The following ADAMTS17 variants were observed in gnomAD, a reference collection of about 807,000 sequenced individuals.
ADAMTS17 encodes the protein ADAM metallopeptidase with thrombospondin type 1 motif 17.
In ADAMTS17, 113 loss-of-function variants were observed where a neutral mutation model predicts 141.5. The observed-to-expected ratio is 0.80, with a 90% CI of 0.69 to 0.93. ADAMTS17 has a LOEUF of 0.93. Among genes scored for constraint, ADAMTS17 ranks in the 40% least tolerant of loss-of-function variants. The probability of loss-of-function intolerance (pLI) is 0.00; values close to 1 mark genes in which losing one functional copy is unlikely to be tolerated. For synonymous variants in ADAMTS17, 768 were observed against 630.6 expected, an observed-to-expected ratio of 1.22 and a Z score of -3.27; for missense variants, 1,659 against 1,517.9, an observed-to-expected ratio of 1.09 and a Z score of -1.54.
At chr15:100,016,854 G>A (rs1429575835) in intron 18 of ADAMTS17, among the ~76,000 whole-genome samples, 1 of 152,230 alleles carries the variant, frequency 6.6e-6, no homozygotes, top group African/African-American at 2.4e-5. Flanking sequence ...CCTGCCAGGA[G>A]GTGATGCTTT....
At chr15:100,292,145 C>G (rs558037449) in intron 3 of ADAMTS17, among the ~76,000 whole-genome samples, 2 of 148,346 alleles carry the variant, frequency 1.3e-5, no homozygotes, top group African/African-American at 2.5e-5. Flanking sequence ...TGGGGAGTCA[C>G]GAGACACGCT....
intron 20 of ADAMTS17, among the ~76,000 whole-genome samples, chr15:99,989,391 C>T (rs1253449557): frequency 6.6e-6 from 1 of 152,240 alleles, no homozygotes; most frequent in East Asian, 1.9e-4. Flanking sequence ...GTACAGGCTG[C>T]ATTTAGGGCG....
rs538820264 is a variant in ADAMTS17, at chr15:100,155,437, G to A, written c.1182-117C>T. 20 of 1,415,086 alleles carry A rather than the reference G, an allele frequency of 1.4e-5. 1 individual carries two copies. The highest frequency in any genetic ancestry group is 1.4e-4 in the South Asian group (11 of 80,744). 87.7% of individuals were successfully genotyped at this position (1,415,086 alleles called of 1,614,324 possible). On this transcript the variant is annotated intron_variant, in intron 8 of 21. Transcript: ENST00000268070. ...TCTTAAAAACAAAAACGGACGTAAC[G>A]TGAAAGTGGTTCTCACACAGCAGAC... is the stretch of plus-strand genomic sequence containing the variant.
chr15:100,325,367 C>T (rs1225840605), intron 3 of ADAMTS17, among the ~76,000 whole-genome samples: 1 of 152,202 alleles, frequency 6.6e-6, no homozygotes, highest in Non-Finnish European at 1.5e-5. Flanking sequence ...AAATAAAGCA[C>T]AACAGTGGGC....
chr15:100,215,898 G>C (rs1209334501), intron 7 of ADAMTS17, among the ~76,000 whole-genome samples: 2 of 151,936 alleles, frequency 1.3e-5, no homozygotes, highest in Non-Finnish European at 2.9e-5. Context: ...ACTCTCCCCA[G>C]GAGAACCAAG....
chr15:100,322,610 C>A (rs371874707), intron 3 of ADAMTS17, among the ~76,000 whole-genome samples: 1 of 152,064 alleles, frequency 6.6e-6, no homozygotes, highest in African/African-American at 2.4e-5. Context: ...AGACCAAACC[C>A]GAAGATGACC....
At chr15:100,127,252 G>C (rs2037786940) in intron 12 of ADAMTS17, among the ~76,000 whole-genome samples, 1 of 152,202 alleles carries the variant, frequency 6.6e-6, no homozygotes, top group South Asian at 2.1e-4. Flanking sequence ...TAAGGATCTG[G>C]AGATGAGACC....
chr15:99,984,310 C>T (rs1433094110), intron 20 of ADAMTS17, among the ~76,000 whole-genome samples: 1 of 152,198 alleles, frequency 6.6e-6, no homozygotes, highest in East Asian at 1.9e-4. Context: ...GAGCTGTTCC[C>T]TGTGGGTAAC....
chr15:100,048,666 T>C (rs1373196823), intron 18 of ADAMTS17, among the ~76,000 whole-genome samples, 191 bp downstream of exon 18: 1 of 150,958 alleles, frequency 6.6e-6, no homozygotes, highest in Non-Finnish European at 1.5e-5. Context: ...CAGTGAAGGT[T>C]GTATTTCCAT....
intron 7 of ADAMTS17, among the ~76,000 whole-genome samples, chr15:100,246,838 G>T (rs887184794): frequency 6.6e-6 from 1 of 151,468 alleles, no homozygotes; most frequent in African/African-American, 2.4e-5. Flanking sequence ...TATATGTAAA[G>T]TATCTGTTCA....
At chr15:99,980,890 C>T (rs1468920578) in intron 20 of ADAMTS17, 2 of 152,214 alleles carry the variant, frequency 1.3e-5, no homozygotes, top group African/African-American at 2.4e-5. Flanking sequence ...GCTCTGGGGC[C>T]GAGGGGAAAA....
intron 8 of ADAMTS17, among the ~76,000 whole-genome samples, chr15:100,195,613 C>CAAAAAAAAAAAAAA (rs71287815): frequency 1.6e-5 from 1 of 63,642 alleles, no homozygotes; most frequent in African/African-American, 6.0e-5. Flanking sequence ...TGTTTGGTCT[C>CAAAAAAAAAAAAAA]AAAAAAAAAA....
rs546671936 is a variant in ADAMTS17 at position 100,023,466 on chromosome 15, A to G, written c.2591+25391T>C. Among the ~76,000 whole-genome samples, 190 of 152,060 alleles carry G rather than the reference A, an allele frequency of 1.2e-3. 1 individual carries two copies. Among genetic ancestry groups the G allele is most frequent in the Middle Eastern group, 3.4e-3 (1 of 294 alleles). On this transcript the variant is annotated intron_variant, in intron 18 of 21. Transcript: ENST00000268070. The stretch of plus-strand genomic sequence containing the variant: ...GGTGATCTGCCTGCCTCGGCCTCCC[A>G]AAGTGGTGGGATTACAGGGGTGAGC...
chr15:100,132,280 T>C (rs2038092892), intron 11 of ADAMTS17, 128 bp from the exon 12 acceptor site: 5 of 1,320,210 alleles, frequency 3.8e-6, no homozygotes, highest in Non-Finnish European at 5.1e-6. Flanking sequence ...ACAGTCTATT[T>C]CAGGGTTTGC....
chr15:100,118,924 C>T (rs1010604367), intron 12 of ADAMTS17, among the ~76,000 whole-genome samples: 3 of 152,028 alleles, frequency 2.0e-5, no homozygotes, highest in East Asian at 1.9e-4. Flanking sequence ...GAGTGCAACC[C>T]GATTTGGAAA....
intron 8 of ADAMTS17, among the ~76,000 whole-genome samples, chr15:100,197,555 A>C (rs1363449270): frequency 6.6e-6 from 1 of 152,202 alleles, no homozygotes; most frequent in East Asian, 1.9e-4. Flanking sequence ...CATTTAAAAA[A>C]CAGTTCTGTG....
At chr15:99,979,430 G>A (rs1008448733) in intron 20 of ADAMTS17, 1 of 151,972 alleles carries the variant, frequency 6.6e-6, no homozygotes, top group Non-Finnish European at 1.5e-5. Context: ...CTGGTAAGTA[G>A]TTGTACCCAG....
intron 15 of ADAMTS17, among the ~76,000 whole-genome samples, chr15:100,060,137 A>G (rs2033002418): frequency 6.6e-6 from 1 of 152,228 alleles, no homozygotes; most frequent in Admixed American, 6.5e-5. Context: ...TTATCTGTGA[A>G]TTCTGAAGCT....
chr15:99,991,736 G>A lies in ADAMTS17; in HGVS notation c.2949+1312C>T, dbSNP rs193117471. Among the ~76,000 whole-genome samples the A allele has an allele frequency of 5.3e-5, 8 of 152,182 alleles. No homozygotes were observed. In the South Asian group the frequency reaches 8.3e-4, roughly 16 times the overall value. On this transcript the variant is annotated intron_variant, in intron 20 of 21. Transcript: ENST00000268070. ...ACACATGCACACATACGTTTACTGC[G>A]GCACTGTTGACAATAGCAAAGACTT...
Sources: gnomAD v4.1 joint callset for allele counts (sites outside exome capture counted in the v4.1 genomes callset) on GRCh38, gnomAD v4.1.1 for gene constraint, MANE v1.5 for transcripts, NCBI Gene and HGNC (gene_info 2026-07-23, HGNC 2026-07-21) for gene names.